Variants in OR3A2 observed in about 807,000 individuals in gnomAD.
The protein encoded by OR3A2 is olfactory receptor 3A2.
For missense variants in OR3A2, 318 were observed against 392.8 expected (o/e 0.81, Z 1.61); for synonymous variants, 126 against 159.3 (o/e 0.79, Z 1.57).
intron 3 of OR3A2, among the ~76,000 whole-genome samples, chr17:3,325,688 A>C (rs1033642621): frequency 1.3e-4 from 20 of 152,198 alleles, no homozygotes; most frequent in African/African-American, 4.6e-4. Flanking sequence ...TCTTTTTAAA[A>C]ATTAAGGTAT....
upstream of OR3A2, among the ~76,000 whole-genome samples, chr17:3,285,349 C>T (rs2048801900): frequency 6.6e-6 from 1 of 152,154 alleles, no homozygotes; most frequent in South Asian, 2.1e-4. Context: ...TGACTTTGTA[C>T]AAGCTGCAAA....
At chr17:3,326,539 C>T (rs1192765335) in intron 3 of OR3A2, among the ~76,000 whole-genome samples, 4 of 149,146 alleles carry the variant, frequency 2.7e-5, no homozygotes, top group African/African-American at 1.0e-4. Context: ...TTTCTTATGC[C>T]TGTCTTTTTT....
chr17:3,323,181 A>T (rs1205677407), intron 3 of OR3A2, among the ~76,000 whole-genome samples: 1 of 152,070 alleles, frequency 6.6e-6, no homozygotes, highest in Non-Finnish European at 1.5e-5. Context: ...AGAGACTAGA[A>T]TTGCAACCCC....
intron 3 of OR3A2, among the ~76,000 whole-genome samples, chr17:3,328,674 G>C (rs1436521587): frequency 6.7e-6 from 1 of 150,116 alleles, no homozygotes; most frequent in Non-Finnish European, 1.5e-5. Context: ...TGTCCATTCA[G>C]TATGATATTG....
At chr17:3,297,978 C>G (rs547103301) in intron 3 of OR3A2, among the ~76,000 whole-genome samples, 40 of 151,952 alleles carry the variant, frequency 2.6e-4, no homozygotes, top group Middle Eastern at 6.8e-3. Flanking sequence ...CTTTGTTGTT[C>G]TTCTTTTTTA....
chr17:3,280,837 G>C (rs532387681), intron 1 of OR3A2, among the ~76,000 whole-genome samples: 2 of 152,204 alleles, frequency 1.3e-5, no homozygotes, highest in South Asian at 4.1e-4. Flanking sequence ...CTGCCTAGGG[G>C]TGTGGTCACC....
At chr17:3,377,807 G>GA (rs2150668083) in intron 2 of OR3A2, among the ~76,000 whole-genome samples, 1 of 152,344 alleles carries the variant, frequency 6.6e-6, no homozygotes, top group South Asian at 2.1e-4. Flanking sequence ...GTGTTGACAA[G>GA]AATGTCGAGA....
intron 2 of OR3A2, among the ~76,000 whole-genome samples, chr17:3,357,741 C>G (rs1243436354): frequency 6.6e-6 from 1 of 151,464 alleles, no homozygotes. Context: ...TATAGAGAGA[C>G]AGGGTCTTGC....
At chr17:3,301,185 A>C (rs1445267961) in intron 3 of OR3A2, among the ~76,000 whole-genome samples, 1 of 152,204 alleles carries the variant, frequency 6.6e-6, no homozygotes. Flanking sequence ...AGCATGATTT[A>C]TAATCCTTTG....
intron 2 of OR3A2, among the ~76,000 whole-genome samples, chr17:3,372,842 GGAGAA>G: frequency 7.7e-6 from 1 of 130,690 alleles, no homozygotes. Flanking sequence ...GGGAGGAGAA[GGAGAA>G]GGAGAGGGAG....
chr17:3,294,008 G>A (rs891700480), intron 3 of OR3A2, among the ~76,000 whole-genome samples: 1 of 152,064 alleles, frequency 6.6e-6, no homozygotes, highest in Non-Finnish European at 1.5e-5. Context: ...TGCATGCTGG[G>A]CTTAATACCT....
intron 3 of OR3A2, among the ~76,000 whole-genome samples, chr17:3,331,290 G>C (rs1567557587): frequency 6.6e-6 from 1 of 151,952 alleles, no homozygotes; most frequent in African/African-American, 2.4e-5. Context: ...AGTTCTCCTG[G>C]ATAACATCCT....
At chr17:3,358,979 A>G (rs1395336443) in intron 2 of OR3A2, among the ~76,000 whole-genome samples, 1 of 151,738 alleles carries the variant, frequency 6.6e-6, no homozygotes, top group Non-Finnish European at 1.5e-5. Flanking sequence ...GTGTGCATAT[A>G]TATTTAGGAT....
At chr17:3,368,679 G>C (rs951909547) in intron 2 of OR3A2, among the ~76,000 whole-genome samples, 1 of 152,118 alleles carries the variant, frequency 6.6e-6, no homozygotes, top group East Asian at 1.9e-4. Context: ...GATACTTCCA[G>C]GTTTGTTCTT....
intron 3 of OR3A2, among the ~76,000 whole-genome samples, chr17:3,329,400 G>T (rs905723435): frequency 1.3e-5 from 2 of 150,480 alleles, no homozygotes; most frequent in Non-Finnish European, 3.0e-5. Flanking sequence ...CCCGTTATTG[G>T]TCTATTCAGA....
intron 3 of OR3A2, among the ~76,000 whole-genome samples, chr17:3,319,716 T>C (rs1426034163): frequency 6.6e-6 from 1 of 152,254 alleles, no homozygotes; most frequent in East Asian, 1.9e-4. Context: ...CATCATTTTT[T>C]ATGGCTGCAT....
rs1361327185 is a variant in OR3A2, at chr17:3,339,291, A to G, written c.-178-3165T>C. Among the ~76,000 whole-genome samples the G allele has an allele frequency of 2.0e-5, 3 of 152,298 alleles. No homozygotes were observed. In the East Asian group the frequency reaches 5.8e-4, roughly 29 times the overall value. ...TCCTGCCTGACTGCCCTAGCAAAGA[A>G]CTTTCAACACTATGTTCAATAGGAG... On this transcript the variant is annotated intron_variant, in intron 2 of 4. Transcript: ENST00000573491.
intron 1 of OR3A2, chr17:3,279,084 T>G (rs960810599): frequency 3.1e-5 from 39 of 1,255,438 alleles, no homozygotes; most frequent in Non-Finnish European, 4.3e-5. Flanking sequence ...ACCTTGCTCT[T>G]GGTTGACATG....
intron 3 of OR3A2, among the ~76,000 whole-genome samples, chr17:3,334,018 G>C (rs1171112218): frequency 6.6e-6 from 1 of 152,142 alleles, no homozygotes; most frequent in African/African-American, 2.4e-5. Context: ...CAACATCACT[G>C]ATCATTAGAG....
Sources: allele counts gnomAD v4.1 joint callset (sites outside exome capture counted in the v4.1 genomes callset), GRCh38; gene constraint gnomAD v4.1.1; transcripts MANE v1.5; gene names NCBI Gene and HGNC (gene_info 2026-07-23, HGNC 2026-07-21).